Variants in ATF7 observed in about 807,000 individuals in gnomAD.
ATF7 encodes activating transcription factor 7, also known as cyclic AMP-dependent transcription factor ATF-7.
In ATF7, 10 loss-of-function variants were observed where a neutral mutation model predicts 50.4. That is an observed-to-expected ratio of 0.20 (90% CI 0.12 to 0.34). The LOEUF (loss-of-function observed/expected upper bound fraction) is 0.34, where lower values mean the gene tolerates loss of function less well. Among genes scored for constraint, ATF7 ranks in the 10% least tolerant of loss-of-function variants. The pLI, the probability that ATF7 is intolerant of heterozygous loss-of-function variation, is 1.00. For missense variants in ATF7, 465 were observed against 613.9 expected (o/e 0.76, Z 2.56); for synonymous variants, 201 against 226.4 (o/e 0.89, Z 1.01).
chr12:53,577,037 CCA>C (rs1421171123), intron 2 of ATF7, among the ~76,000 whole-genome samples: 8 of 152,144 alleles, frequency 5.3e-5, no homozygotes, highest in African/African-American at 1.9e-4. Flanking sequence ...GCCTGGGTGA[CCA>C]AGAGAGAATC....
chr12:53,592,196 T>C (rs1470284193), intron 2 of ATF7, among the ~76,000 whole-genome samples: 2 of 152,238 alleles, frequency 1.3e-5, no homozygotes, highest in Non-Finnish European at 2.9e-5. Flanking sequence ...TCATTCTCTT[T>C]GTACTTTCAC....
At chr12:53,572,003 G>T (rs1941792619) in intron 2 of ATF7, among the ~76,000 whole-genome samples, 1 of 151,676 alleles carries the variant, frequency 6.6e-6, no homozygotes. Context: ...AGAGACGGAG[G>T]TTGCAGTGAG....
At chr12:53,561,137 T>C (rs1471493139) in intron 2 of ATF7, among the ~76,000 whole-genome samples, 2 of 151,844 alleles carry the variant, frequency 1.3e-5, no homozygotes, top group Admixed American at 6.6e-5. Context: ...AGATGGGGTG[T>C]TGCTATGTTG....
In ATF7 at chr12:53,550,769, G is replaced by A. The variant is rs1263723475; in HGVS notation, c.145+1772C>T. 2.6e-5 allele frequency among the ~76,000 whole-genome samples: 4 copies of A among 152,202 alleles called. No individual in the cohort carries two copies. The East Asian group carries it at 5.8e-4, about 22-fold the overall frequency. On this transcript the variant is annotated intron_variant, in intron 3 of 11. Transcript: ENST00000420353. Reference sequence around the variant, plus strand: ...CACACCAGGTCTTAACTGGAGATGTGAGAATTACCAGCGTAGATATATGAT... The same window carrying A: ...CACACCAGGTCTTAACTGGAGATGTAAGAATTACCAGCGTAGATATATGAT...
At chr12:53,540,348 G>A (rs777660532) in intron 4 of ATF7, among the ~76,000 whole-genome samples, 129 of 139,166 alleles carry the variant, frequency 9.3e-4, no homozygotes, top group Non-Finnish European at 1.4e-3. Flanking sequence ...GTGAGACTCC[G>A]TCTCAAAAAA....
intron 11 of ATF7, among the ~76,000 whole-genome samples, chr12:53,521,162 T>G (rs1288610497): frequency 6.6e-6 from 1 of 152,148 alleles, no homozygotes; most frequent in Admixed American, 6.6e-5. Flanking sequence ...CCAGCTAATT[T>G]TTTGTATTTT....
Position 53,606,090 on chromosome 12 carries a change from T to C in ATF7, c.-21-5069A>G, listed in dbSNP as rs557694499. Among the ~76,000 whole-genome samples, 232 of 152,266 alleles carry C rather than the reference T, an allele frequency of 1.5e-3. 3 individuals are homozygous for C. Among genetic ancestry groups the C allele is most frequent in the African/African-American group, 5.2e-3 (214 of 41,548 alleles). ...GTCACCCAAATAACATGAAGCTCTG[T>C]AGTTTTTGGTTACACTGCTAAAAAT... is the stretch of plus-strand genomic sequence containing the variant. On this transcript the variant is annotated intron_variant, in intron 1 of 11. Transcript: ENST00000420353.
intron 11 of ATF7, among the ~76,000 whole-genome samples, chr12:53,522,990 T>C (rs1021686633): frequency 1.3e-5 from 2 of 152,252 alleles, no homozygotes; most frequent in African/African-American, 2.4e-5. Flanking sequence ...ATGTAGATAA[T>C]ATCCATTTCA....
At chr12:53,554,870 G>GAAAAAAAAAAAAAAAA (rs61675595) in intron 2 of ATF7, among the ~76,000 whole-genome samples, 2 of 76,046 alleles carry the variant, frequency 2.6e-5, no homozygotes, top group African/African-American at 9.8e-5. Flanking sequence ...CTCAAAAAAA[G>GAAAAAAAAAAAAAAAA]AAAAAAAAAA....
At position 53,555,490 on chromosome 12, in the gene ATF7, ATTTTTTTTTTT is replaced by A. The variant is rs543048867; in HGVS notation, c.49-2864_49-2854del. ...AGTTTATAAAGAAGAAAATAATATA[ATTTTTTTTTTT>A]TTTTTTTTTTTTTTTTTGTGAGACG... On this transcript the variant is annotated intron_variant, in intron 2 of 11. Transcript: ENST00000420353. Among the ~76,000 whole-genome samples, 366 of 100,774 alleles carry A rather than the reference ATTTTTTTTTTT, an allele frequency of 3.6e-3. 1 individual carries two copies. The highest frequency in any genetic ancestry group is 0.013 in the African/African-American group (309 of 22,938). The allele number at this position is 100,774 out of a possible 152,430, so 66.1% of individuals were successfully genotyped here.
chr12:53,523,931 G>T (rs1282346598), intron 10 of ATF7, among the ~76,000 whole-genome samples: 2 of 151,966 alleles, frequency 1.3e-5, no homozygotes, highest in Non-Finnish European at 2.9e-5. Context: ...CCCTACACAA[G>T]AACTATAAAT....
In ATF7 at chr12:53,531,746, G is replaced by C. The variant is rs1938910917; in HGVS notation, c.925C>G (p.Gln309Glu). 1 of 1,610,554 alleles carries C rather than the reference G, an allele frequency of 6.2e-7. No individual in the cohort carries two copies. Among genetic ancestry groups the C allele is most frequent in the Non-Finnish European group, 8.5e-7 (1 of 1,178,672 alleles). Residue 309 changes from glutamine to glutamate, a missense_variant and splice_region_variant, in exon 9 of 12, where the codon CAG becomes GAG. Physicochemically the swap from Gln to Glu is conservative, Grantham distance 29. Coordinates refer to ENST00000420353, the MANE Select transcript of ATF7 (RefSeq NM_006856.3). Reference sequence around the variant, plus strand: ...CATAAAGAGTAAGAGCCACTGACCTGTGGCTGGGCAGGGGATGGGGCATCA... The same window carrying C: ...CATAAAGAGTAAGAGCCACTGACCTCTGGCTGGGCAGGGGATGGGGCATCA... ...HPDAPSPAQP[Q>E]VSPAQPTPST...
intron 1 of ATF7, among the ~76,000 whole-genome samples, chr12:53,609,133 T>C (rs1406071179): frequency 6.6e-6 from 1 of 151,274 alleles, no homozygotes; most frequent in African/African-American, 2.4e-5. Context: ...AGCAAGAGCC[T>C]GTTTCTTTTC....
At chr12:53,615,302 T>C (rs1208593810) in intron 1 of ATF7, among the ~76,000 whole-genome samples, 3 of 151,686 alleles carry the variant, frequency 2.0e-5, no homozygotes, top group Non-Finnish European at 4.4e-5. Flanking sequence ...AAGAATGGCA[T>C]GAACCCGGGA....
intron 5 of ATF7, 130 bp from the exon 6 acceptor site, chr12:53,534,789 TCCATCAGGATCAGGGAC>T (rs2137393030): frequency 9.6e-7 from 1 of 1,039,404 alleles, no homozygotes; most frequent in East Asian, 2.8e-5. Flanking sequence ...ATGACCTGAT[TCCATCAGGATCAGGGAC>T]CCATAACTCA....
intron 2 of ATF7, among the ~76,000 whole-genome samples, chr12:53,594,429 T>C (rs1285590423): frequency 6.6e-6 from 1 of 152,190 alleles, no homozygotes; most frequent in Admixed American, 6.5e-5. Context: ...GCAAGGATGC[T>C]TTTAATCTAC....
At chr12:53,597,626 G>A (rs1943221226) in intron 2 of ATF7, among the ~76,000 whole-genome samples, 1 of 152,116 alleles carries the variant, frequency 6.6e-6, no homozygotes, top group Non-Finnish European at 1.5e-5. Flanking sequence ...TGGCTAACAC[G>A]GTGAAACCCT....
intron 2 of ATF7, among the ~76,000 whole-genome samples, chr12:53,585,068 G>A (rs1403309862): frequency 3.9e-5 from 6 of 152,142 alleles, no homozygotes; most frequent in African/African-American, 1.4e-4. Context: ...GACCTCCCGG[G>A]CTCAAGCAGT....
At chr12:53,529,858 G>A (rs111455774) in intron 9 of ATF7, among the ~76,000 whole-genome samples, 4 of 149,358 alleles carry the variant, frequency 2.7e-5, no homozygotes, top group Non-Finnish European at 5.9e-5. Context: ...CTTCTGCCTC[G>A]GCCTCTTGAA....
Sources: gnomAD v4.1 joint callset for allele counts (sites outside exome capture counted in the v4.1 genomes callset) on GRCh38, gnomAD v4.1.1 for gene constraint, MANE v1.5 for transcripts, NCBI Gene and HGNC (gene_info 2026-07-23, HGNC 2026-07-21) for gene names.